The following GNAQ variants were observed in gnomAD, a reference collection of about 807,000 sequenced individuals.
The protein encoded by GNAQ is G protein subunit alpha q, also known as guanine nucleotide-binding protein G(q) subunit alpha.
A neutral mutation model predicts 43.9 loss-of-function variants in GNAQ; 8 were observed. That is an observed-to-expected ratio of 0.18 (90% CI 0.11 to 0.33). The LOEUF (loss-of-function observed/expected upper bound fraction) is 0.33. Ranked by LOEUF, GNAQ falls within the 10% of genes least tolerant of loss-of-function variation. The probability of loss-of-function intolerance (pLI) is 1.00; values close to 1 mark genes in which losing one functional copy is unlikely to be tolerated. For missense variants in GNAQ, 158 were observed against 450.8 expected, an observed-to-expected ratio of 0.35 and a Z score of 5.88; for synonymous variants, 155 against 170.7, an observed-to-expected ratio of 0.91 and a Z score of 0.71.
Position 77,822,457 on chromosome 9 carries a change from C to T in GNAQ, c.322-6687G>A, listed in dbSNP as rs77330256. On this transcript the variant is annotated intron_variant, in intron 2 of 6. Coordinates refer to ENST00000286548, the MANE Select transcript of GNAQ (RefSeq NM_002072.5). The stretch of plus-strand genomic sequence containing the variant: ...TCAGAAAAAGCCTAATCATTTTAGT[C>T]CTTTGTAATGTCTGTGCTCCTACAA... Among the ~76,000 whole-genome samples, 1,207 of 152,050 alleles carry T rather than the reference C, an allele frequency of 7.9e-3. 15 individuals are homozygous for T. Among genetic ancestry groups the T allele is most frequent in the African/African-American group, 0.028 (1,152 of 41,456 alleles).
chr9:77,881,754 T>C (rs754790996), intron 2 of GNAQ, among the ~76,000 whole-genome samples: 3 of 152,186 alleles, frequency 2.0e-5, no homozygotes, highest in South Asian at 2.1e-4. Flanking sequence ...TTGTCCTTCA[T>C]TGAGTTTTTA....
At chr9:77,766,239 A>G (rs1826134987) in intron 5 of GNAQ, among the ~76,000 whole-genome samples, 1 of 152,188 alleles carries the variant, frequency 6.6e-6, no homozygotes, top group Non-Finnish European at 1.5e-5. Flanking sequence ...TTACAATAAA[A>G]ATTTTTTATC....
intron 2 of GNAQ, among the ~76,000 whole-genome samples, chr9:77,818,170 C>T (rs1827052141): frequency 6.6e-6 from 1 of 152,122 alleles, no homozygotes; most frequent in Non-Finnish European, 1.5e-5. Context: ...GAATATTGCC[C>T]TCAAAAACAG....
intron 1 of GNAQ, among the ~76,000 whole-genome samples, chr9:77,969,984 A>C (rs11145638): frequency 0.3 from 45,059 of 152,038 alleles, 6,893 homozygotes; most frequent in South Asian, 0.44. Flanking sequence ...TCTGGGAGGC[A>C]GAGGCGGGCA....
At chr9:77,732,896 T>G (rs1825518581) in intron 5 of GNAQ, among the ~76,000 whole-genome samples, 1 of 152,100 alleles carries the variant, frequency 6.6e-6, no homozygotes, top group Non-Finnish European at 1.5e-5. Context: ...AGGTCCTGCC[T>G]GGGCTCCACT....
chr9:77,829,701 C>T (rs1827264909), intron 2 of GNAQ, among the ~76,000 whole-genome samples: 1 of 152,160 alleles, frequency 6.6e-6, no homozygotes, highest in Non-Finnish European at 1.5e-5. Flanking sequence ...CCACAAGCAG[C>T]TTCTGCATCG....
At chr9:77,990,207 TG>T (rs1213638507) in intron 1 of GNAQ, among the ~76,000 whole-genome samples, 1 of 152,166 alleles carries the variant, frequency 6.6e-6, no homozygotes, top group Non-Finnish European at 1.5e-5. Context: ...TGTTGAAAAT[TG>T]ATCTTTTATT....
At chr9:77,725,966 T>C (rs1825391489) in intron 6 of GNAQ, among the ~76,000 whole-genome samples, 1 of 152,116 alleles carries the variant, frequency 6.6e-6, no homozygotes, top group African/African-American at 2.4e-5. Context: ...TGGCAATTTC[T>C]CACACGCTGA....
chr9:77,953,567 G>T (rs1172099550), intron 1 of GNAQ, among the ~76,000 whole-genome samples: 1 of 152,150 alleles, frequency 6.6e-6, no homozygotes, highest in Non-Finnish European at 1.5e-5. Context: ...AATTAGAAAT[G>T]GCTTCAAGGG....
intron 2 of GNAQ, among the ~76,000 whole-genome samples, chr9:77,908,365 C>T (rs1345818913): frequency 6.6e-6 from 1 of 152,188 alleles, no homozygotes; most frequent in East Asian, 1.9e-4. Flanking sequence ...ACCACTGTTG[C>T]ACCGGATCAT....
chr9:77,761,220 C>G (rs1486882676), intron 5 of GNAQ, among the ~76,000 whole-genome samples: 3 of 143,868 alleles, frequency 2.1e-5, no homozygotes. Flanking sequence ...GCTGCCCCTA[C>G]TGGGAAGTGA....
At chr9:77,759,906 C>CTTTCT (rs1554713702) in intron 5 of GNAQ, among the ~76,000 whole-genome samples, 5 of 149,884 alleles carry the variant, frequency 3.3e-5, no homozygotes, top group African/African-American at 7.4e-5. Flanking sequence ...TTCTTTCTTT[C>CTTTCT]TTTTTTTTCT....
At chr9:77,836,665 A>G (rs1007810849) in intron 2 of GNAQ, among the ~76,000 whole-genome samples, 5 of 152,222 alleles carry the variant, frequency 3.3e-5, no homozygotes, top group African/African-American at 1.2e-4. Context: ...CAAAACCACA[A>G]GATGTTTAAA....
At chr9:77,806,625 T>A (rs1826834372) in intron 3 of GNAQ, among the ~76,000 whole-genome samples, 1 of 152,078 alleles carries the variant, frequency 6.6e-6, no homozygotes, top group Non-Finnish European at 1.5e-5. Flanking sequence ...GAGGTGGGGA[T>A]GGGTTACTCT....
intron 1 of GNAQ, among the ~76,000 whole-genome samples, chr9:78,007,869 A>G (rs1823725875): frequency 6.6e-6 from 1 of 152,216 alleles, no homozygotes; most frequent in African/African-American, 2.4e-5. Flanking sequence ...AATCTTGTTA[A>G]CCTTAACTAG....
chr9:77,798,896 AT>A (rs1311406076), intron 3 of GNAQ, among the ~76,000 whole-genome samples: 1 of 152,174 alleles, frequency 6.6e-6, no homozygotes, highest in African/African-American at 2.4e-5. Context: ...ATCTAGTTCT[AT>A]GAGATTTTAT....
intron 1 of GNAQ, among the ~76,000 whole-genome samples, chr9:78,013,272 T>C (rs1044474918): frequency 4.6e-5 from 7 of 152,206 alleles, no homozygotes; most frequent in Middle Eastern, 3.4e-3. Context: ...TTCAGAAAGA[T>C]GCCCTTAGCC....
intron 1 of GNAQ, among the ~76,000 whole-genome samples, chr9:77,949,191 C>T (rs1303006367): frequency 6.6e-6 from 1 of 152,144 alleles, no homozygotes; most frequent in African/African-American, 2.4e-5. Context: ...GTATGTGAAC[C>T]CAGGACACCA....
chr9:77,931,176 G>A (rs770642262), intron 1 of GNAQ, among the ~76,000 whole-genome samples: 2 of 147,812 alleles, frequency 1.4e-5, no homozygotes, highest in Admixed American at 6.7e-5. Context: ...GTAGGACAGC[G>A]GTCCCTGTCC....
Sources: gnomAD v4.1 joint callset for allele counts (sites outside exome capture counted in the v4.1 genomes callset) on GRCh38, gnomAD v4.1.1 for gene constraint, MANE v1.5 for transcripts, NCBI Gene and HGNC (gene_info 2026-07-23, HGNC 2026-07-21) for gene names.